Variants in ANK3 observed in about 807,000 individuals in gnomAD.
ANK3 encodes the protein ankyrin-3.
A neutral mutation model predicts 370.9 loss-of-function variants in ANK3; 57 were observed. The observed-to-expected ratio is 0.15, with a 90% CI of 0.12 to 0.19. The LOEUF is 0.19. Among genes scored for constraint, ANK3 ranks in the 10% least tolerant of loss-of-function variants. The pLI is 1.00. For missense variants in ANK3, 4,439 were observed against 5,302.1 expected, an observed-to-expected ratio of 0.84 and a Z score of 5.06; for synonymous variants, 1,929 against 1,946.3, an observed-to-expected ratio of 0.99 and a Z score of 0.23.
chr10:60,268,922 T>C (rs1159863044), intron 5 of ANK3, among the ~76,000 whole-genome samples: 1 of 152,194 alleles, frequency 6.6e-6, no homozygotes, highest in Non-Finnish European at 1.5e-5. Flanking sequence ...TTTATGTTTG[T>C]TTGTGTATGT....
chr10:60,564,479 C>T (rs902240216), intron 2 of ANK3, among the ~76,000 whole-genome samples: 1 of 152,126 alleles, frequency 6.6e-6, no homozygotes, highest in Non-Finnish European at 1.5e-5. Context: ...ATGAAACTGC[C>T]GTGTGCTCAA....
chr10:60,042,639 A>G, intron 43 of ANK3, 33 bp downstream of exon 43: 1 of 1,571,070 alleles, frequency 6.4e-7, no homozygotes, highest in Non-Finnish European at 8.7e-7. Context: ...CAGGAATTTA[A>G]GTCCTACTGT....
chr10:60,659,752 A>G (rs1412001010), intron 1 of ANK3, among the ~76,000 whole-genome samples: 1 of 152,242 alleles, frequency 6.6e-6, no homozygotes, highest in South Asian at 2.1e-4. Context: ...TGGGGAAAAA[A>G]AATGCAAGTA....
At chr10:60,137,374 G>GAAAA (rs201151245) in intron 24 of ANK3, 3,730 of 164,222 alleles carry the variant, frequency 0.023, 324 homozygotes, top group African/African-American at 0.075. Flanking sequence ...GTAATTTTAG[G>GAAAA]AAAAAAAAAA....
chr10:60,205,742 G>C (rs1319666860), intron 11 of ANK3, 50 bp downstream of exon 11: 1 of 1,371,634 alleles, frequency 7.3e-7, no homozygotes, highest in Non-Finnish European at 1.0e-6. Context: ...TGGCTGCTAA[G>C]GCTATACTCT....
chr10:60,587,688 A>G (rs2077851691), intron 2 of ANK3, among the ~76,000 whole-genome samples: 1 of 152,218 alleles, frequency 6.6e-6, no homozygotes, highest in South Asian at 2.1e-4. Context: ...TTATAATAAT[A>G]CTTTAAAAAA....
chr10:60,624,560 T>C (rs998604707), intron 1 of ANK3, among the ~76,000 whole-genome samples: 8 of 152,214 alleles, frequency 5.3e-5, no homozygotes, highest in South Asian at 2.1e-4. Flanking sequence ...GCTTTCAGAG[T>C]GCTAGGAATC....
intron 42 of ANK3, chr10:60,043,166 C>A (rs1282344048): frequency 2.0e-6 from 2 of 989,470 alleles, no homozygotes; most frequent in Non-Finnish European, 2.4e-6. Context: ...ATCTGAGGGA[C>A]TTTTTTAAGT....
chr10:60,615,234 T>G lies in ANK3; in HGVS notation c.58-10A>C, dbSNP rs1309484542. On this transcript the variant is annotated splice_polypyrimidine_tract_variant and intron_variant, in intron 1 of 43. Coordinates refer to the ANK3 transcript ENST00000373827. ...CTGATCCAAAGCCACCCTAAAAAAGTAAAGAAACAAACATTTAGCAAACAT... is the reference window on the plus strand; with the variant it reads ...CTGATCCAAAGCCACCCTAAAAAAGGAAAGAAACAAACATTTAGCAAACAT... The G allele has an allele frequency of 2.0e-6, 3 of 1,513,436 alleles. No individual in the cohort carries two copies. The Admixed American group carries it at 6.5e-5, about 33-fold the overall frequency. The allele number at this position is 1,513,436 out of a possible 1,614,324, so 93.8% of individuals were successfully genotyped here.
At chr10:60,652,788 C>T (rs1248877719) in intron 1 of ANK3, among the ~76,000 whole-genome samples, 1 of 151,294 alleles carries the variant, frequency 6.6e-6, no homozygotes, top group Non-Finnish European at 1.5e-5. Flanking sequence ...GAAGTCGAAG[C>T]AGAGGCAGGA....
intron 1 of ANK3, among the ~76,000 whole-genome samples, chr10:60,630,889 T>A (rs563489206): frequency 6.3e-4 from 96 of 152,200 alleles, no homozygotes; most frequent in Non-Finnish European, 1.1e-3. Flanking sequence ...GGCTACAACG[T>A]CACCAATATG....
intron 1 of ANK3, among the ~76,000 whole-genome samples, chr10:60,292,892 G>A (rs1011697951): frequency 7.2e-5 from 11 of 152,002 alleles, no homozygotes; most frequent in African/African-American, 2.4e-4. Context: ...ACTTTTAATA[G>A]AGACAGGGTT....
intron 2 of ANK3, among the ~76,000 whole-genome samples, chr10:60,540,212 G>A (rs2076816172): frequency 1.3e-5 from 2 of 151,732 alleles, no homozygotes; most frequent in Non-Finnish European, 2.9e-5. Context: ...GATGGCCTTG[G>A]GTGGCTTGTT....
At chr10:60,256,063 A>C (rs2132622434) in intron 7 of ANK3, among the ~76,000 whole-genome samples, 1 of 152,292 alleles carries the variant, frequency 6.6e-6, no homozygotes, top group South Asian at 2.1e-4. Flanking sequence ...GTCTTTGGGG[A>C]CACTGTTACA....
chr10:60,044,285 C>A, intron 42 of ANK3: 1 of 984,608 alleles, frequency 1.0e-6, no homozygotes, highest in Non-Finnish European at 1.2e-6. Flanking sequence ...ATGAGGTTGC[C>A]TTCTTCATCA....
intron 4 of ANK3, among the ~76,000 whole-genome samples, chr10:60,275,630 T>C (rs1475002261): frequency 1.3e-5 from 2 of 152,122 alleles, no homozygotes; most frequent in Admixed American, 6.6e-5. Flanking sequence ...CAAAGTCCCA[T>C]ACTTGTACTG....
chr10:60,084,878 C>A, intron 31 of ANK3, 48 bp from the exon 32 acceptor site: 3 of 1,358,030 alleles, frequency 2.2e-6, no homozygotes, highest in South Asian at 3.1e-5. Flanking sequence ...TATTTAAAAG[C>A]CAAATCTTAA....
chr10:60,207,992 T>G (rs2096791562), intron 10 of ANK3, 44 bp downstream of exon 10: 1 of 1,549,790 alleles, frequency 6.5e-7, no homozygotes, highest in Non-Finnish European at 8.9e-7. Flanking sequence ...CAGCACGTTG[T>G]GAGCAAGACA....
chr10:60,075,246 A>G lies in ANK3; in HGVS notation c.5635T>C (p.Ser1879Pro), dbSNP rs2083516547. Reference protein sequence around the residue: ...FSRTSSPVKSSLFLAPSALKL... With the variant: ...FSRTSSPVKSPLFLAPSALKL... ...AGGGCAGAGGGTGCAAGGAACAAAG[A>G]TGACTTAACTGGAGATGAAGTTCGA... The change falls in exon 37 of 44, where the codon TCT becomes CCT. Residue 1879 changes from serine to proline, a missense_variant. Ser to Pro is a moderately conservative substitution (Grantham distance 74). This residue lies in a region of ANK3 where 679 missense variants were observed against 791.0 expected (regional missense o/e 0.86). Transcript: ENST00000280772. 6.2e-7 allele frequency: 1 copy of G among 1,614,094 alleles called. No individual in the cohort carries two copies. Among genetic ancestry groups the G allele is most frequent in the Non-Finnish European group, 8.5e-7 (1 of 1,180,034 alleles).
Sources: allele counts gnomAD v4.1 joint callset (sites outside exome capture counted in the v4.1 genomes callset), GRCh38; gene constraint gnomAD v4.1.1; regional missense constraint gnomAD v4.1.1; transcripts MANE v1.5; gene names NCBI Gene and HGNC (gene_info 2026-07-23, HGNC 2026-07-21).